GALNT10: variants seen among roughly 807,000 people sequenced by gnomAD.
GALNT10 encodes polypeptide N-acetylgalactosaminyltransferase 10.
A neutral mutation model predicts 75.0 loss-of-function variants in GALNT10; 41 were observed. The ratio of observed to expected loss-of-function variants is 0.55; its 90% confidence interval spans 0.43 to 0.71. The LOEUF is 0.71. Among genes scored for constraint, GALNT10 ranks in the 30% least tolerant of loss-of-function variants. The pLI is 0.00. For synonymous variants in GALNT10, 302 were observed against 313.0 expected, an observed-to-expected ratio of 0.96 and a Z score of 0.37; for missense variants, 727 against 818.5, an observed-to-expected ratio of 0.89 and a Z score of 1.36.
At chr5:154,359,339 C>T (rs1216181297) in intron 4 of GALNT10, among the ~76,000 whole-genome samples, 2 of 152,016 alleles carry the variant, frequency 1.3e-5, no homozygotes, top group South Asian at 2.1e-4. Context: ...TTTATGAGGT[C>T]GGTGGAGCAG....
At chr5:154,266,762 G>A (rs1753780536) in intron 1 of GALNT10, among the ~76,000 whole-genome samples, 2 of 152,054 alleles carry the variant, frequency 1.3e-5, no homozygotes, top group South Asian at 4.2e-4. Flanking sequence ...CCTACCTGTA[G>A]TCCTAGCCAC....
chr5:154,317,785 T>C (rs575409414), intron 3 of GALNT10, among the ~76,000 whole-genome samples: 34 of 152,350 alleles, frequency 2.2e-4, no homozygotes, highest in African/African-American at 7.5e-4. Context: ...TATTGGTTTA[T>C]ATAACTGAAA....
intron 3 of GALNT10, among the ~76,000 whole-genome samples, chr5:154,327,766 A>AT (rs768612106): frequency 6.6e-6 from 1 of 152,230 alleles, no homozygotes; most frequent in Non-Finnish European, 1.5e-5. Context: ...AGATGGAGTA[A>AT]TAGAATTAGA....
At chr5:154,342,067 A>G (rs1418088330) in intron 4 of GALNT10, among the ~76,000 whole-genome samples, 2 of 152,192 alleles carry the variant, frequency 1.3e-5, no homozygotes, top group Non-Finnish European at 1.5e-5. Context: ...GGCCGGGCAC[A>G]TGGTCATCAT....
chr5:154,393,068 A>AAACAAAAC (rs758464484), intron 7 of GALNT10: 1 of 97,066 alleles, frequency 1.0e-5, no homozygotes, highest in African/African-American at 3.6e-5. Context: ...AAAAAAAAAA[A>AAACAAAAC]AAAAAAAAAA....
chr5:154,279,162 G>A (rs527482655), intron 1 of GALNT10, among the ~76,000 whole-genome samples: 1 of 152,240 alleles, frequency 6.6e-6, no homozygotes, highest in East Asian at 1.9e-4. Flanking sequence ...ATGTTTACTA[G>A]CAGTGCACAA....
intron 1 of GALNT10, among the ~76,000 whole-genome samples, chr5:154,225,942 T>A (rs576922223): frequency 2.6e-5 from 4 of 152,026 alleles, no homozygotes; most frequent in African/African-American, 9.7e-5. Context: ...ATGAGAACAC[T>A]TGGACACAGG....
chr5:154,346,456 A>G (rs1256517710), intron 4 of GALNT10, among the ~76,000 whole-genome samples: 3 of 152,238 alleles, frequency 2.0e-5, no homozygotes, highest in Non-Finnish European at 4.4e-5. Flanking sequence ...AGTGCATTCA[A>G]GTATCTGCCC....
chr5:154,342,972 A>AT (rs1389445409), intron 4 of GALNT10, among the ~76,000 whole-genome samples: 4 of 152,140 alleles, frequency 2.6e-5, no homozygotes, highest in African/African-American at 9.7e-5. Context: ...CTTTTTCAGG[A>AT]TTTTTTCAGT....
rs1339771349 is a variant in GALNT10 at position 154,418,451 on chromosome 5, CCACT to C, written c.*1480_*1483del. 2.0e-5 allele frequency: 3 copies of C among 152,244 alleles called. No homozygotes were observed. Among genetic ancestry groups the C allele is most frequent in the African/African-American group, 4.8e-5 (2 of 41,474 alleles). The allele number at this position is 152,244 out of a possible 1,614,324, so 9.4% of individuals were successfully genotyped here. A position where few individuals can be genotyped will look rare whatever the true frequency, so the allele number is the denominator to read the frequency against. On this transcript the variant is annotated 3_prime_UTR_variant, in exon 12 of 12. Coordinates refer to ENST00000297107, the MANE Select transcript of GALNT10 (RefSeq NM_198321.4). ...AGCATTTCTGTAACCAACCTGCCAC[CCACT>C]GATTCAGAAATGGAAATCACATTCC... is the stretch of plus-strand genomic sequence containing the variant.
At chr5:154,229,688 G>A (rs1753118170) in intron 1 of GALNT10, among the ~76,000 whole-genome samples, 1 of 152,038 alleles carries the variant, frequency 6.6e-6, no homozygotes, top group Non-Finnish European at 1.5e-5. Context: ...AGCCGAGAAT[G>A]CGCCACTGTA....
intron 1 of GALNT10, among the ~76,000 whole-genome samples, chr5:154,241,864 G>C (rs892982720): frequency 1.3e-5 from 2 of 152,094 alleles, no homozygotes; most frequent in African/African-American, 4.8e-5. Context: ...CCTGAGAATT[G>C]GAGTCATCAT....
chr5:154,391,149 A>G (rs1273189354), intron 7 of GALNT10, among the ~76,000 whole-genome samples: 1 of 152,192 alleles, frequency 6.6e-6, no homozygotes, highest in East Asian at 1.9e-4. Flanking sequence ...TGAGGGGAAC[A>G]GGTGAGCCCA....
chr5:154,246,611 T>C (rs1292842906), intron 1 of GALNT10, among the ~76,000 whole-genome samples: 1 of 152,272 alleles, frequency 6.6e-6, no homozygotes, highest in Non-Finnish European at 1.5e-5. Context: ...TGTCTTCTTT[T>C]GAGAAGTGTC....
chr5:154,404,203 C>A lies in GALNT10; in HGVS notation c.1156C>A (p.Leu386Met). ...CTACAAGGTCCCGGCCGGAGTCAGCCTGGCCCGGGTAAGGTGGTGGCTTTC... is the reference window on the plus strand; with the variant it reads ...CTACAAGGTCCCGGCCGGAGTCAGCATGGCCCGGGTAAGGTGGTGGCTTTC... ...VPYKVPAGVS[L>M]ARNLKRVAEV... Residue 386 changes from leucine to methionine, a missense_variant, in exon 8 of 12, where the codon CTG (leucine) becomes ATG (methionine). Transcript: ENST00000297107. 2 of 1,593,604 alleles carry A rather than the reference C, an allele frequency of 1.3e-6. No homozygotes were observed. Among genetic ancestry groups the A allele is most frequent in the Non-Finnish European group, 1.7e-6 (2 of 1,167,724 alleles).
chr5:154,254,264 T>TTG (rs1402598188), intron 1 of GALNT10, among the ~76,000 whole-genome samples: 1 of 152,154 alleles, frequency 6.6e-6, no homozygotes, highest in Admixed American at 6.5e-5. Context: ...TATGTTTGCT[T>TTG]TGTGTGTGTT....
At chr5:154,326,157 A>G (rs1348344269) in intron 3 of GALNT10, among the ~76,000 whole-genome samples, 1 of 152,190 alleles carries the variant, frequency 6.6e-6, no homozygotes, top group East Asian at 1.9e-4. Context: ...GGCATATGGA[A>G]AGATACTCAA....
chr5:154,411,340 CCTACTGCTTGGCCAACCCAGCAGAA>C (rs1756393334), intron 9 of GALNT10, among the ~76,000 whole-genome samples: 1 of 152,152 alleles, frequency 6.6e-6, no homozygotes, highest in African/African-American at 2.4e-5. Flanking sequence ...CTGACCAACC[CCTACTGCTTGGCCAACCCAGCAGAA>C]AGTATATGCC....
intron 1 of GALNT10, among the ~76,000 whole-genome samples, chr5:154,294,304 A>G (rs1471148730): frequency 6.6e-6 from 1 of 152,200 alleles, no homozygotes; most frequent in Non-Finnish European, 1.5e-5. Context: ...ACTGTACTCT[A>G]GCCTGGCCAA....
Sources: gnomAD v4.1 joint callset for allele counts (sites outside exome capture counted in the v4.1 genomes callset) on GRCh38, gnomAD v4.1.1 for gene constraint, MANE v1.5 for transcripts, NCBI Gene and HGNC (gene_info 2026-07-23, HGNC 2026-07-21) for gene names.